The following MOGAT1 variants were observed in gnomAD, a reference collection of about 807,000 sequenced individuals.
MOGAT1 encodes the protein monoacylglycerol O-acyltransferase 1, also known as 2-acylglycerol O-acyltransferase 1.
In MOGAT1, 32 loss-of-function variants were observed where a neutral mutation model predicts 31.4. That is an observed-to-expected ratio of 1.02 (90% CI 0.77 to 1.37). The LOEUF (loss-of-function observed/expected upper bound fraction) is 1.37, where lower values mean the gene tolerates loss of function less well. Ranked by LOEUF, MOGAT1 falls within the 40% of genes most tolerant of loss-of-function variation. MOGAT1 has a pLI of 0.00. For synonymous variants in MOGAT1, 145 were observed against 144.5 expected, an observed-to-expected ratio of 1.00 and a Z score of -0.03; for missense variants, 426 against 402.0, an observed-to-expected ratio of 1.06 and a Z score of -0.51.
intron 5 of MOGAT1, among the ~76,000 whole-genome samples, chr2:222,700,389 T>C (rs1197952494): frequency 6.6e-6 from 1 of 152,226 alleles, no homozygotes; most frequent in Admixed American, 6.5e-5. Flanking sequence ...ATTAACTTGT[T>C]TTCACTCATA....
chr2:222,706,944 A>C (rs1693011161), intron 5 of MOGAT1, among the ~76,000 whole-genome samples: 1 of 152,204 alleles, frequency 6.6e-6, no homozygotes, highest in Non-Finnish European at 1.5e-5. Context: ...CCGACCTAGC[A>C]CTTTGAGAGG....
chr2:222,692,331 A>G (rs547164742), intron 3 of MOGAT1, among the ~76,000 whole-genome samples: 1 of 152,306 alleles, frequency 6.6e-6, no homozygotes, highest in African/African-American at 2.4e-5. Context: ...GTCAGTAACT[A>G]TTTTGTCATT....
rs1346323788 is a variant in MOGAT1 at position 222,675,784 on chromosome 2, T to TAG, written c.94+3907_94+3908dup. On this transcript the variant is annotated intron_variant, in intron 1 of 5. Transcript: ENST00000446656. Reference sequence around the variant, plus strand: ...TATCATTTATTCTTCATTTATTAGCTAGAATTTCTGCAGTTAAAAATTTTG... The same window carrying TAG: ...TATCATTTATTCTTCATTTATTAGCTAGAGAATTTCTGCAGTTAAAAATTTTG... 7.9e-5 allele frequency among the ~76,000 whole-genome samples: 12 copies of TAG among 152,132 alleles called. No individual in the cohort carries two copies. In the East Asian group the frequency reaches 2.3e-3, roughly 29 times the overall value.
At chr2:222,705,657 A>G (rs1284958844) in intron 5 of MOGAT1, among the ~76,000 whole-genome samples, 7 of 152,108 alleles carry the variant, frequency 4.6e-5, no homozygotes. Flanking sequence ...TGGCTAATTA[A>G]TTAGCCTTCT....
At chr2:222,688,197 C>A in intron 1 of MOGAT1, 147 bp from the exon 2 acceptor site, 1 of 548,764 alleles carries the variant, frequency 1.8e-6, no homozygotes, top group Non-Finnish European at 3.1e-6. Flanking sequence ...TTAAATAATA[C>A]TGTGTCATTA....
intron 3 of MOGAT1, among the ~76,000 whole-genome samples, chr2:222,690,879 TAG>T (rs1206382763): frequency 6.6e-6 from 1 of 152,182 alleles, no homozygotes. Context: ...TACATTGTGT[TAG>T]AGTTTTATAA....
intron 1 of MOGAT1, 120 bp from the exon 2 acceptor site, chr2:222,688,224 C>A: frequency 1.5e-6 from 1 of 673,738 alleles, no homozygotes; most frequent in Non-Finnish European, 2.4e-6. Context: ...TGTTATATTA[C>A]CTTACCTGAA....
Position 222,695,266 on chromosome 2 carries a change from T to C in MOGAT1, c.831T>C (p.Tyr277=), listed in dbSNP as rs1398960174. The C allele has an allele frequency of 9.9e-6, 16 of 1,612,312 alleles. No individual in the cohort carries two copies. Among genetic ancestry groups the C allele is most frequent in the Non-Finnish European group, 1.3e-5 (15 of 1,179,050 alleles). The part of the protein sequence containing the change: ...VFQYNFGLMT[Y]RKAIHTVVGR... Reference sequence around the variant, plus strand: ...AGTACAATTTTGGCCTAATGACCTATAGGAAAGCCATCCACACTGTTGGTA... The same window carrying C: ...AGTACAATTTTGGCCTAATGACCTACAGGAAAGCCATCCACACTGTTGGTA... The change falls in exon 5 of 6, where the codon TAT becomes TAC. Residue 277 remains tyrosine, a synonymous_variant. Coordinates refer to ENST00000446656, the MANE Select transcript of MOGAT1 (RefSeq NM_058165.3).
chr2:222,703,870 G>A (rs1184057202), intron 5 of MOGAT1, among the ~76,000 whole-genome samples: 1 of 150,154 alleles, frequency 6.7e-6, no homozygotes, highest in African/African-American at 2.5e-5. Flanking sequence ...TTGCCTCCAC[G>A]AGAAAAAAAA....
intron 3 of MOGAT1, 24 bp downstream of exon 3, chr2:222,689,493 T>C: frequency 6.3e-7 from 1 of 1,598,534 alleles, no homozygotes. Context: ...GATCACTGTT[T>C]CCACAGTGCT....
intron 5 of MOGAT1, among the ~76,000 whole-genome samples, chr2:222,701,398 AAG>A (rs552136301): frequency 0.015 from 2,226 of 145,158 alleles, 35 homozygotes; most frequent in South Asian, 0.027. Context: ...GAAAGAAAGA[AAG>A]AGAGAGAGAG....
rs760429914 is a variant in MOGAT1 at position 222,709,848 on chromosome 2, A to C, written c.966A>C (p.Gly322=). The C allele has an allele frequency of 8.7e-6, 14 of 1,613,314 alleles. No individual in the cohort carries two copies. The highest frequency in any genetic ancestry group is 1.1e-5 in the Non-Finnish European group (13 of 1,179,534). The change falls in exon 6 of 6, where the codon GGA becomes GGC. Residue 322 remains glycine (G), a synonymous_variant. Coordinates refer to ENST00000446656, the MANE Select transcript of MOGAT1 (RefSeq NM_058165.3). ...ELRKLFEEHK[G]KYGIPEHETL... ...GGAAATTGTTTGAGGAACACAAAGG[A>C]AAGTATGGCATTCCAGAGCACGAGA...
intron 1 of MOGAT1, among the ~76,000 whole-genome samples, chr2:222,674,646 G>C (rs75096584): frequency 2.0e-5 from 3 of 151,856 alleles, no homozygotes; most frequent in Non-Finnish European, 4.4e-5. Context: ...TGTTTCCTTC[G>C]TGTCTAGTGA....
intron 1 of MOGAT1, among the ~76,000 whole-genome samples, chr2:222,672,759 G>C (rs1692439034): frequency 6.6e-6 from 1 of 151,940 alleles, no homozygotes; most frequent in Non-Finnish European, 1.5e-5. Flanking sequence ...GCATTGGAGA[G>C]TTTTACACTT....
chr2:222,704,901 G>A (rs886638958), intron 5 of MOGAT1, among the ~76,000 whole-genome samples: 1 of 152,122 alleles, frequency 6.6e-6, no homozygotes, highest in African/African-American at 2.4e-5. Flanking sequence ...TGTTACAGGA[G>A]AGGGGTCCGG....
intron 1 of MOGAT1, among the ~76,000 whole-genome samples, chr2:222,683,288 G>A (rs966503490): frequency 1.3e-5 from 2 of 152,010 alleles, no homozygotes; most frequent in African/African-American, 4.8e-5. Flanking sequence ...ACTGCTTAAT[G>A]GGTAAAGGGT....
chr2:222,679,118 G>A (rs544910753), intron 1 of MOGAT1, among the ~76,000 whole-genome samples: 1 of 152,074 alleles, frequency 6.6e-6, no homozygotes, highest in African/African-American at 2.4e-5. Context: ...TAATCCAATG[G>A]TTCCAGCTCT....
At chr2:222,694,645 G>A (rs530349168) in intron 4 of MOGAT1, 109 bp downstream of exon 4, 93 of 1,049,620 alleles carry the variant, frequency 8.9e-5, no homozygotes, top group African/African-American at 1.9e-4. Context: ...CCTCCAAATC[G>A]ATCTGACAGT....
At chr2:222,681,876 C>T (rs1467299080) in intron 1 of MOGAT1, among the ~76,000 whole-genome samples, 1 of 152,072 alleles carries the variant, frequency 6.6e-6, no homozygotes, top group Non-Finnish European at 1.5e-5. Flanking sequence ...AAATTACAAC[C>T]GTTTTAGGAG....
Sources: gnomAD v4.1 joint callset for allele counts (sites outside exome capture counted in the v4.1 genomes callset) on GRCh38, gnomAD v4.1.1 for gene constraint, MANE v1.5 for transcripts, NCBI Gene and HGNC (gene_info 2026-07-23, HGNC 2026-07-21) for gene names.